The following EXD1 variants were observed in gnomAD, a reference collection of about 807,000 sequenced individuals.
The protein encoded by EXD1 is piRNA biogenesis protein EXD1.
In EXD1, 63 loss-of-function variants were observed where a neutral mutation model predicts 49.1. That is an observed-to-expected ratio of 1.28 (90% CI 1.05 to 1.58). The LOEUF (loss-of-function observed/expected upper bound fraction) is 1.58, where lower values mean the gene tolerates loss of function less well. Ranked by LOEUF, EXD1 falls within the 40% of genes most tolerant of loss-of-function variation. EXD1 has a pLI of 0.00. For synonymous variants in EXD1, 234 were observed against 239.2 expected, an observed-to-expected ratio of 0.98 and a Z score of 0.20; for missense variants, 748 against 666.0, an observed-to-expected ratio of 1.12 and a Z score of -1.36.
intron 7 of EXD1, among the ~76,000 whole-genome samples, chr15:41,207,312 C>A (rs564399821): frequency 6.6e-6 from 1 of 151,710 alleles, no homozygotes; most frequent in African/African-American, 2.4e-5. Flanking sequence ...GAGGCCAAGG[C>A]GGGTGGATCA....
At chr15:41,197,846 G>C (rs1040085508) in intron 7 of EXD1, among the ~76,000 whole-genome samples, 1 of 151,610 alleles carries the variant, frequency 6.6e-6, no homozygotes, top group African/African-American at 2.4e-5. Flanking sequence ...GGCTGGTCTC[G>C]AACTCCTGAC....
intron 7 of EXD1, among the ~76,000 whole-genome samples, chr15:41,206,954 T>TAA (rs1566985525): frequency 2.4e-5 from 2 of 83,370 alleles, no homozygotes; most frequent in Non-Finnish European, 5.1e-5. Flanking sequence ...TTTTTTTTTT[T>TAA]AAGTAGTGCC....
chr15:41,190,259 G>C (rs1234212724), intron 10 of EXD1, 131 bp from the exon 11 acceptor site: 1 of 910,054 alleles, frequency 1.1e-6, no homozygotes, highest in Non-Finnish European at 1.7e-6. Flanking sequence ...CGGATCACAA[G>C]GTCAAGACAT....
chr15:41,203,155 G>A (rs1027569774), intron 7 of EXD1, among the ~76,000 whole-genome samples: 1 of 152,052 alleles, frequency 6.6e-6, no homozygotes, highest in Non-Finnish European at 1.5e-5. Flanking sequence ...TAAAAATAAA[G>A]GTTTAAGAAT....
chr15:41,199,384 G>A (rs753808781), intron 7 of EXD1, among the ~76,000 whole-genome samples: 10 of 150,762 alleles, frequency 6.6e-5, no homozygotes, highest in African/African-American at 9.7e-5. Flanking sequence ...CACCATGTTG[G>A]GCCCCTTTTT....
At chr15:41,219,556 G>T (rs1007188289) in intron 3 of EXD1, 1 of 303,586 alleles carries the variant, frequency 3.3e-6, no homozygotes, top group Non-Finnish European at 6.0e-6. Flanking sequence ...TAAGTAGCTT[G>T]CTTAGCAAGA....
intron 2 of EXD1, 111 bp from the exon 3 acceptor site, chr15:41,220,009 A>C (rs942360241): frequency 1.3e-5 from 10 of 773,070 alleles, no homozygotes; most frequent in African/African-American, 1.1e-4. Context: ...AAAAAAAAAA[A>C]ACTCCAAAAA....
At chr15:41,226,823 T>C (rs1439553014) in intron 1 of EXD1, among the ~76,000 whole-genome samples, 195 bp from the exon 2 acceptor site, 1 of 152,158 alleles carries the variant, frequency 6.6e-6, no homozygotes, top group East Asian at 1.9e-4. Flanking sequence ...CTATAAGAAA[T>C]TGGGCAAGTT....
intron 7 of EXD1, among the ~76,000 whole-genome samples, chr15:41,208,530 A>G (rs1387839043): frequency 1.3e-5 from 2 of 151,968 alleles, no homozygotes; most frequent in East Asian, 3.9e-4. Flanking sequence ...AGGTGGGTGG[A>G]TCACTTGAGA....
At chr15:41,210,827 G>C (rs554241379) in intron 6 of EXD1, among the ~76,000 whole-genome samples, 15 of 152,238 alleles carry the variant, frequency 9.9e-5, no homozygotes, top group African/African-American at 3.4e-4. Flanking sequence ...TTTATAGGTA[G>C]TTCAATTATT....
chr15:41,199,166 C>A (rs989278443), intron 7 of EXD1, among the ~76,000 whole-genome samples: 3 of 152,052 alleles, frequency 2.0e-5, no homozygotes, highest in African/African-American at 4.8e-5. Flanking sequence ...ACCATGTTGA[C>A]CAGGCTGGTC....
At position 41,205,920 on chromosome 15, in the gene EXD1, C is replaced by G. The variant is rs1171374990; in HGVS notation, c.534+3581G>C. Among the ~76,000 whole-genome samples, 8 of 138,624 alleles carry G rather than the reference C, an allele frequency of 5.8e-5. No individual in the cohort carries two copies. In the Admixed American group the frequency reaches 6.1e-4, roughly 11 times the overall value. 90.9% of individuals were successfully genotyped at this position (138,624 alleles called of 152,430 possible). On this transcript the variant is annotated intron_variant, in intron 7 of 11. Transcript: ENST00000458580. ...TTTTGAGATGGAGTCTCATTTGTGGCCCAAGCTGGAGTGCAGGGGCATGAT... is the reference window on the plus strand; with the variant it reads ...TTTTGAGATGGAGTCTCATTTGTGGGCCAAGCTGGAGTGCAGGGGCATGAT...
chr15:41,186,944 G>C (rs1388511733), intron 11 of EXD1, among the ~76,000 whole-genome samples: 1 of 150,340 alleles, frequency 6.7e-6, no homozygotes, highest in African/African-American at 2.5e-5. Flanking sequence ...GAGTGCAATG[G>C]CGTGATCTCA....
Position 41,195,318 on chromosome 15 carries a change from C to T in EXD1, c.720+457G>A, listed in dbSNP as rs973100515. ...GACAGACAAATTATATCACTTCAGG[C>T]TGTTTGGGCCCACATAGATTTGGGG... On this transcript the variant is annotated intron_variant, in intron 9 of 11. Transcript: ENST00000458580. Among the ~76,000 whole-genome samples the T allele has an allele frequency of 6.6e-5, 10 of 152,276 alleles. No homozygotes were observed. In the East Asian group the frequency reaches 1.7e-3, roughly 26 times the overall value.
At chr15:41,204,771 C>G (rs1165659297) in intron 7 of EXD1, among the ~76,000 whole-genome samples, 1 of 151,782 alleles carries the variant, frequency 6.6e-6, no homozygotes, top group African/African-American at 2.4e-5. Flanking sequence ...TATATATATA[C>G]ACATATACAC....
chr15:41,208,024 A>G (rs961960703), intron 7 of EXD1, among the ~76,000 whole-genome samples: 1 of 151,684 alleles, frequency 6.6e-6, no homozygotes, highest in Admixed American at 6.6e-5. Context: ...AAAAAAAAAA[A>G]AGAAAGAGAG....
intron 11 of EXD1, among the ~76,000 whole-genome samples, chr15:41,187,487 C>G (rs1045666513): frequency 6.6e-6 from 1 of 152,156 alleles, no homozygotes; most frequent in East Asian, 1.9e-4. Context: ...ACCAATCCCC[C>G]ACAGATGCTG....
rs746829239 is a variant in EXD1, at chr15:41,215,813, T to C, written c.409A>G (p.Thr137Ala). The C allele has an allele frequency of 3.1e-6, 5 of 1,613,970 alleles. No homozygotes were observed. Among genetic ancestry groups the C allele is most frequent in the Middle Eastern group, 1.6e-4 (1 of 6,084 alleles). Residue 137 changes from threonine (T) to alanine (A), a missense_variant, in exon 6 of 12, where the codon ACA becomes GCA. Transcript: ENST00000458580. ...TTCTGCTGGAATTGATTAATGACTG[T>C]GTATGTCACCTCCTCTTCCTCTACA... ...SPSEEEEVTY[T>A]VINQFQQKFG...
Position 41,217,097 on chromosome 15 carries a change from C to T in EXD1, c.260G>A (p.Ser87Asn), listed in dbSNP as rs1454579822. 2 of 1,611,054 alleles carry T rather than the reference C, an allele frequency of 1.2e-6. No individual in the cohort carries two copies. Among genetic ancestry groups the T allele is most frequent in the East Asian group, 2.2e-5 (1 of 44,870 alleles). The change falls in exon 4 of 12, where the codon AGT becomes AAT. Residue 87 changes from serine to asparagine, a missense_variant and splice_region_variant. Physicochemically the swap from Ser to Asn is conservative, Grantham distance 46 (BLOSUM62 1). Transcript: ENST00000458580. ...GSVRAKASSV[S>N]LHAERTWMEK... ...AATTAAGAAAATTATTCCTTCTTAC[C>T]TAACAGAAGATGCTTTTGCTCTCAC...
Sources: allele counts gnomAD v4.1 joint callset (sites outside exome capture counted in the v4.1 genomes callset), GRCh38; gene constraint gnomAD v4.1.1; transcripts MANE v1.5; gene names NCBI Gene and HGNC (gene_info 2026-07-23, HGNC 2026-07-21).